Variants in SMOC1 observed in about 807,000 individuals in gnomAD.
SMOC1 encodes SPARC-related modular calcium-binding protein 1.
Under a neutral mutation model 56.3 loss-of-function variants are expected in SMOC1, and 22 were observed. The observed-to-expected ratio is 0.39, with a 90% CI of 0.28 to 0.56. The LOEUF (loss-of-function observed/expected upper bound fraction) is 0.56, where lower values mean the gene tolerates loss of function less well. SMOC1 is among the 20% of genes least tolerant of loss of function. The pLI, the probability that SMOC1 is intolerant of heterozygous loss-of-function variation, is 0.61. For synonymous variants in SMOC1, 193 were observed against 215.0 expected (o/e 0.90, Z 0.89); for missense variants, 509 against 565.4 (o/e 0.90, Z 1.01).
intron 7 of SMOC1, among the ~76,000 whole-genome samples, chr14:70,001,910 A>C (rs1884983186): frequency 6.6e-6 from 1 of 152,156 alleles, no homozygotes; most frequent in African/African-American, 2.4e-5. Context: ...GACTGCCTAT[A>C]TTGCCTCTAT....
chr14:69,939,467 G>A (rs1198824849), intron 1 of SMOC1, among the ~76,000 whole-genome samples: 1 of 152,196 alleles, frequency 6.6e-6, no homozygotes, highest in Non-Finnish European at 1.5e-5. Flanking sequence ...GATGAGATTT[G>A]GGTGGGGAAA....
intron 3 of SMOC1, among the ~76,000 whole-genome samples, chr14:69,968,951 C>T (rs181736782): frequency 2.2e-4 from 33 of 152,284 alleles, no homozygotes; most frequent in Non-Finnish European, 1.2e-4. Flanking sequence ...CATGGGATCC[C>T]AGTTGTCCTT....
chr14:70,019,327 T>A (rs1306613698), intron 10 of SMOC1, among the ~76,000 whole-genome samples: 1 of 152,220 alleles, frequency 6.6e-6, no homozygotes, highest in Admixed American at 6.5e-5. Context: ...AAATCTGGAA[T>A]CTGGTATCAT....
chr14:69,947,385 G>C (rs1160379165), intron 1 of SMOC1, among the ~76,000 whole-genome samples: 1 of 152,054 alleles, frequency 6.6e-6, no homozygotes, highest in Non-Finnish European at 1.5e-5. Flanking sequence ...GCCCAGGCTG[G>C]TCTTGAACTC....
At position 69,961,272 on chromosome 14, in the gene SMOC1, G is replaced by GTGTGTA. The variant is rs1447169812; in HGVS notation, c.378+7741_378+7742insGTGTAT. On this transcript the variant is annotated intron_variant, in intron 3 of 11. Transcript: ENST00000361956. Reference sequence around the variant, plus strand: ...TTATTGTCAAGCAATATTCTATTGTGTATATATATATATATATATATATAT... The same window carrying GTGTGTA: ...TTATTGTCAAGCAATATTCTATTGTGTGTGTATATATATATATATATATATATATAT... Among the ~76,000 whole-genome samples, 27 of 74,984 alleles carry GTGTGTA rather than the reference G, an allele frequency of 3.6e-4. 1 individual carries two copies. Among genetic ancestry groups the GTGTGTA allele is most frequent in the African/African-American group, 1.6e-3 (26 of 16,456 alleles). The allele number at this position is 74,984 out of a possible 152,430, so 49.2% of individuals were successfully genotyped here.
chr14:69,879,860 G>A, intron 1 of SMOC1, 83 bp downstream of exon 1: 1 of 1,264,950 alleles, frequency 7.9e-7, no homozygotes, highest in Non-Finnish European at 1.1e-6. Context: ...AGGAGGAGGG[G>A]GAAGAGAGAT....
chr14:70,006,399 A>C (rs1358840389), intron 7 of SMOC1, among the ~76,000 whole-genome samples: 2 of 152,194 alleles, frequency 1.3e-5, no homozygotes, highest in Non-Finnish European at 2.9e-5. Flanking sequence ...ATGAGTTACA[A>C]ATTTGGGTCC....
At chr14:69,959,352 G>A (rs1263634879) in intron 3 of SMOC1, among the ~76,000 whole-genome samples, 1 of 152,254 alleles carries the variant, frequency 6.6e-6, no homozygotes, top group Non-Finnish European at 1.5e-5. Context: ...ATACTACCAC[G>A]TCGCTTTCCA....
chr14:69,888,002 T>G (rs1258143566), intron 1 of SMOC1, among the ~76,000 whole-genome samples: 1 of 152,184 alleles, frequency 6.6e-6, no homozygotes, highest in African/African-American at 2.4e-5. Flanking sequence ...CAGGGCACCC[T>G]TTCTCTCTGG....
intron 1 of SMOC1, among the ~76,000 whole-genome samples, chr14:69,946,667 C>G (rs1337914317): frequency 6.6e-6 from 1 of 152,168 alleles, no homozygotes; most frequent in Non-Finnish European, 1.5e-5. Flanking sequence ...TCCTGAGCGA[C>G]TCCAAACTCC....
At chr14:69,947,236 T>C (rs542254030) in intron 1 of SMOC1, among the ~76,000 whole-genome samples, 27 of 152,090 alleles carry the variant, frequency 1.8e-4, no homozygotes, top group African/African-American at 6.5e-4. Flanking sequence ...AGTGGTACCA[T>C]CATGGCTCAC....
intron 1 of SMOC1, among the ~76,000 whole-genome samples, chr14:69,940,070 T>C (rs1051608849): frequency 2.6e-5 from 4 of 152,336 alleles, no homozygotes; most frequent in African/African-American, 7.2e-5. Context: ...CACTTTCAGC[T>C]TCTGCATCTC....
At chr14:69,969,530 G>A (rs191040598) in intron 3 of SMOC1, among the ~76,000 whole-genome samples, 57 of 152,212 alleles carry the variant, frequency 3.7e-4, no homozygotes, top group East Asian at 1.7e-3. Context: ...ACCCGCTGTC[G>A]TGAAAACCAA....
chr14:69,992,079 C>A (rs536342157), intron 5 of SMOC1, among the ~76,000 whole-genome samples: 1 of 152,074 alleles, frequency 6.6e-6, no homozygotes. Flanking sequence ...GGGGGAGATA[C>A]TGCCTCCCAG....
At chr14:69,990,350 T>C (rs889435911) in intron 5 of SMOC1, among the ~76,000 whole-genome samples, 2 of 152,226 alleles carry the variant, frequency 1.3e-5, no homozygotes, top group African/African-American at 4.8e-5. Context: ...CTACATTGAA[T>C]ATTAAAATAT....
intron 7 of SMOC1, among the ~76,000 whole-genome samples, chr14:70,002,428 C>T (rs374567831): frequency 5.9e-5 from 9 of 152,174 alleles, no homozygotes; most frequent in South Asian, 2.1e-4. Flanking sequence ...TGTTTGCCAG[C>T]GATGTTTGCT....
intron 5 of SMOC1, among the ~76,000 whole-genome samples, chr14:69,982,373 T>C (rs776468533): frequency 6.6e-6 from 1 of 152,036 alleles, no homozygotes; most frequent in Non-Finnish European, 1.5e-5. Flanking sequence ...AAAGAGTGAG[T>C]CATATTTATT....
chr14:70,000,538 T>C (rs1349278091), intron 7 of SMOC1, among the ~76,000 whole-genome samples: 2 of 152,186 alleles, frequency 1.3e-5, no homozygotes, highest in Non-Finnish European at 2.9e-5. Flanking sequence ...CATGAGTCAA[T>C]AGAGATGGGA....
At chr14:69,996,305 C>T (rs1174878497) in intron 7 of SMOC1, among the ~76,000 whole-genome samples, 2 of 152,204 alleles carry the variant, frequency 1.3e-5, no homozygotes, top group East Asian at 1.9e-4. Context: ...CTCACTTGAG[C>T]TTCCCCATAA....
Sources: allele counts gnomAD v4.1 joint callset (sites outside exome capture counted in the v4.1 genomes callset), GRCh38; gene constraint gnomAD v4.1.1; transcripts MANE v1.5; gene names NCBI Gene and HGNC (gene_info 2026-07-23, HGNC 2026-07-21).